PARP2: variants seen among roughly 807,000 people sequenced by gnomAD.
PARP2 encodes the protein poly(ADP-ribose) polymerase 2.
PARP2 carries 57 observed loss-of-function variants against 77.8 expected under a neutral mutation model. That is an observed-to-expected ratio of 0.73 (90% CI 0.59 to 0.91). The LOEUF (loss-of-function observed/expected upper bound fraction) is 0.91. Among genes scored for constraint, PARP2 ranks in the 40% least tolerant of loss-of-function variants. PARP2 has a pLI of 0.00. For missense variants in PARP2, 651 were observed against 689.0 expected (o/e 0.94, Z 0.62); for synonymous variants, 226 against 242.6 (o/e 0.93, Z 0.64).
At chr14:20,344,823 AAG>A in intron 1 of PARP2, 107 bp from the exon 2 acceptor site, 2 of 827,504 alleles carry the variant, frequency 2.4e-6, no homozygotes, top group Non-Finnish European at 3.9e-6. Flanking sequence ...AAAACAAAAA[AAG>A]AGAGAAAATT....
At chr14:20,348,434 T>C (rs540118649) in intron 4 of PARP2, among the ~76,000 whole-genome samples, 1 of 151,932 alleles carries the variant, frequency 6.6e-6, no homozygotes, top group African/African-American at 2.4e-5. Flanking sequence ...TGTCTTGCTA[T>C]GTTGCTCAGG....
intron 7 of PARP2, chr14:20,352,549 A>ATTTTTTTTT (rs34709835): frequency 9.3e-6 from 2 of 214,142 alleles, no homozygotes; most frequent in African/African-American, 7.5e-5. Context: ...TGCCCAGCTG[A>ATTTTTTTTT]TTTTTTTTCT....
chr14:20,347,938 G>A (rs868809436), intron 4 of PARP2, among the ~76,000 whole-genome samples: 6 of 150,570 alleles, frequency 4.0e-5, no homozygotes, highest in Non-Finnish European at 8.8e-5. Context: ...AGTTTGTACA[G>A]TCATAGCCCA....
At chr14:20,355,630 A>G (rs977602352) in intron 9 of PARP2, 122 bp from the exon 10 acceptor site, 8 of 667,038 alleles carry the variant, frequency 1.2e-5, no homozygotes, top group Admixed American at 2.8e-5. Context: ...TTCTCTCTCA[A>G]ATGGAAAACC....
At chr14:20,350,810 G>A (rs1262868183) in intron 5 of PARP2, 188 bp downstream of exon 5, 2 of 605,070 alleles carry the variant, frequency 3.3e-6, no homozygotes, top group Non-Finnish European at 5.9e-6. Context: ...AGTTCCCACT[G>A]GAAAAACTAA....
Position 20,357,121 on chromosome 14 carries a change from A to C in PARP2, c.1400A>C (p.Lys467Thr). ...AATTACTGCTTTGCCTCTCGCCTAA[A>C]GAATACAGGACTGCTGCTCTTATCA... Reference protein sequence around the residue: ...SANYCFASRLKNTGLLLLSEV... With the variant: ...SANYCFASRLTNTGLLLLSEV... Residue 467 changes from lysine (K) to threonine (T), a missense_variant, in exon 14 of 16, where the codon AAG becomes ACG. Coordinates refer to ENST00000429687, the MANE Select transcript of PARP2 (RefSeq NM_001042618.2). The C allele has an allele frequency of 6.2e-7, 1 of 1,610,810 alleles. No homozygotes were observed. Among genetic ancestry groups the C allele is most frequent in the East Asian group, 2.2e-5 (1 of 44,854 alleles).
At chr14:20,347,399 T>TA (rs1405308218) in intron 4 of PARP2, among the ~76,000 whole-genome samples, 5 of 5,094 alleles carry the variant, frequency 9.8e-4, no homozygotes, top group Non-Finnish European at 1.8e-3. Flanking sequence ...TATATATATA[T>TA]TTTTTTTTTT....
Position 20,357,072 on chromosome 14 carries a change from G to A in PARP2, c.1351G>A (p.Ala451Thr), listed in dbSNP as rs772586805. Residue 451 changes from alanine (A) to threonine (T), a missense_variant, in exon 14 of 16, where the codon GCT becomes ACT. Coordinates refer to ENST00000429687, the MANE Select transcript of PARP2 (RefSeq NM_001042618.2). ...GYMFGKGIYFADMSSKSANYC... is the reference protein window; with the variant it reads ...GYMFGKGIYFTDMSSKSANYC... The stretch of plus-strand genomic sequence containing the variant: ...TCAGTTTGGGAAAGGAATCTACTTT[G>A]CTGACATGTCTTCCAAGAGTGCCAA... The A allele has an allele frequency of 6.2e-7, 1 of 1,611,124 alleles. No homozygotes were observed. Among genetic ancestry groups the A allele is most frequent in the Non-Finnish European group, 8.5e-7 (1 of 1,177,232 alleles).
Position 20,350,546 on chromosome 14 carries a change from C to T in PARP2, c.345C>T (p.Asn115=). ...CATAGACCAATCTCCAGTTCAACAA[C>T]AACAAGTACTATCTGATTCAGCTAT... The part of the protein sequence containing the change: ...MLNQTNLQFN[N]NKYYLIQLLE... Residue 115 remains asparagine (N), a synonymous_variant, in exon 5 of 16, where the codon AAC becomes AAT. Coordinates refer to ENST00000429687, the MANE Select transcript of PARP2 (RefSeq NM_001042618.2). 6.2e-7 allele frequency: 1 copy of T among 1,607,180 alleles called. No individual in the cohort carries two copies. The highest frequency in any genetic ancestry group is 8.5e-7 in the Non-Finnish European group (1 of 1,173,894).
chr14:20,345,985 G>A (rs1185930866), intron 3 of PARP2, among the ~76,000 whole-genome samples: 1 of 152,176 alleles, frequency 6.6e-6, no homozygotes, highest in African/African-American at 2.4e-5. Flanking sequence ...CAAGAGGACA[G>A]CAGCAAGACA....
At chr14:20,343,769 C>T in intron 1 of PARP2, 82 bp downstream of exon 1, 2 of 1,426,038 alleles carry the variant, frequency 1.4e-6, no homozygotes, top group Non-Finnish European at 2.0e-6. Context: ...GACCCCCTTC[C>T]CCTTCCAGCT....
chr14:20,354,883 C>G lies in PARP2; in HGVS notation c.838C>G (p.Gln280Glu). 6.2e-7 allele frequency: 1 copy of G among 1,613,944 alleles called. No homozygotes were observed. The highest frequency in any genetic ancestry group is 8.5e-7 in the Non-Finnish European group (1 of 1,179,898). The change falls in exon 9 of 16, where the codon CAG (glutamine) becomes GAG (glutamate). Residue 280 changes from glutamine to glutamate, a missense_variant. By Grantham distance (29) the Gln-to-Glu change is conservative. Transcript: ENST00000429687. ...GATTGAGGATTGTATTCGGGCTGGC[C>G]AGCATGGACGAGCTCTCATGGAAGC... ...KKIEDCIRAG[Q>E]HGRALMEACN...
intron 3 of PARP2, 75 bp from the exon 4 acceptor site, chr14:20,346,788 A>ATGATG (rs1279770653): frequency 1.0e-6 from 1 of 961,524 alleles, no homozygotes; most frequent in Non-Finnish European, 1.7e-6. Flanking sequence ...AGCCATAAGA[A>ATGATG]AATTTAGAGC....
At chr14:20,346,831 A>T in intron 3 of PARP2, 32 bp from the exon 4 acceptor site, 1 of 1,454,068 alleles carries the variant, frequency 6.9e-7, no homozygotes, top group Non-Finnish European at 9.6e-7. Flanking sequence ...AACCTATACT[A>T]ATGTTGATTT....
intron 1 of PARP2, 118 bp downstream of exon 1, chr14:20,343,805 A>G: frequency 4.5e-6 from 5 of 1,101,626 alleles, no homozygotes; most frequent in Non-Finnish European, 6.6e-6. Context: ...TTGGCTACCA[A>G]ACCAGTTGGG....
intron 4 of PARP2, among the ~76,000 whole-genome samples, chr14:20,350,031 C>T (rs1204287610): frequency 6.6e-6 from 1 of 152,154 alleles, no homozygotes; most frequent in African/African-American, 2.4e-5. Context: ...CCATTATTGC[C>T]CTGCTCTCAG....
intron 5 of PARP2, 89 bp from the exon 6 acceptor site, chr14:20,350,958 C>A: frequency 2.0e-6 from 2 of 984,484 alleles, no homozygotes; most frequent in South Asian, 1.4e-5. Flanking sequence ...CCCTTTCCTG[C>A]CTGTTTGTCA....
In PARP2 at chr14:20,345,038, T is replaced by C; in HGVS notation, c.153T>C (p.Pro51=). The C allele has an allele frequency of 6.2e-7, 1 of 1,614,008 alleles. No individual in the cohort carries two copies. Among genetic ancestry groups the C allele is most frequent in the Non-Finnish European group, 8.5e-7 (1 of 1,179,952 alleles). ...AGAGACAGGAGTCGAAAAAGATGCC[T>C]GTGGCTGGAGGAAAAGCTAATAAGG... ...RCQRQESKKM[P]VAGGKANKDR... is the part of the protein sequence containing the mutation. Residue 51 remains proline (P), a synonymous_variant, in exon 2 of 16, where the codon CCT becomes CCC. Coordinates refer to ENST00000429687, the MANE Select transcript of PARP2 (RefSeq NM_001042618.2).
rs1884119446 is a variant in PARP2 at position 20,355,739 on chromosome 14, T to C, written c.903-13T>C. On this transcript the variant is annotated splice_polypyrimidine_tract_variant and intron_variant, in intron 9 of 15. Coordinates refer to ENST00000429687, the MANE Select transcript of PARP2 (RefSeq NM_001042618.2). ...GTCAGAAAGCTCATTATGGGTTATA[T>C]CTCTGTTCTTAGACTCCGTACTCCT... is the stretch of plus-strand genomic sequence containing the variant. 1 of 1,609,732 alleles carries C rather than the reference T, an allele frequency of 6.2e-7. No homozygotes were observed. The highest frequency in any genetic ancestry group is 1.7e-5 in the Admixed American group (1 of 59,990).
Sources: allele counts gnomAD v4.1 joint callset (sites outside exome capture counted in the v4.1 genomes callset), GRCh38; gene constraint gnomAD v4.1.1; transcripts MANE v1.5; gene names NCBI Gene and HGNC (gene_info 2026-07-23, HGNC 2026-07-21).